Variants in DIS3 observed in about 807,000 individuals in gnomAD.
DIS3 encodes the protein exosome complex exonuclease RRP44.
Under a neutral mutation model 113.0 loss-of-function variants are expected in DIS3, and 103 were observed. The ratio of observed to expected loss-of-function variants is 0.91; its 90% CI spans 0.78 to 1.07. The LOEUF (loss-of-function observed/expected upper bound fraction) is 1.07. DIS3 is among the 50% of genes least tolerant of loss of function. The probability of loss-of-function intolerance (pLI) is 0.00; values close to 1 mark genes in which losing one functional copy is unlikely to be tolerated. For missense variants in DIS3, 1,121 were observed against 1,167.1 expected (o/e 0.96, Z 0.58); for synonymous variants, 402 against 394.3 (o/e 1.02, Z -0.23).
rs575947510 is a variant in DIS3, at chr13:72,756,202, C to G, written c.*3593G>C. On this transcript the variant is annotated 3_prime_UTR_variant, in exon 21 of 21. Coordinates refer to ENST00000377767, the MANE Select transcript of DIS3 (RefSeq NM_014953.5). ...ATAAAGACCTGTGTTATCAATGTGTCATTTTCTTCTTTCCTCCATAACTGT... is the reference window on the plus strand; with the variant it reads ...ATAAAGACCTGTGTTATCAATGTGTGATTTTCTTCTTTCCTCCATAACTGT... 2.2e-4 allele frequency: 14 copies of G among 64,730 alleles called. No individual in the cohort carries two copies. Among genetic ancestry groups the G allele is most frequent in the African/African-American group, 1.8e-3 (14 of 7,986 alleles). The allele number at this position is 64,730 out of a possible 1,614,324, so 4.0% of individuals were successfully genotyped here. A position where few individuals can be genotyped will look rare whatever the true frequency, so the allele number is the denominator to read the frequency against.
intron 14 of DIS3, 138 bp from the exon 15 acceptor site, chr13:72,766,196 G>T (rs1199993288): frequency 1.7e-6 from 1 of 589,160 alleles, no homozygotes; most frequent in Non-Finnish European, 2.8e-6. Context: ...ATGACCATCT[G>T]CTGTTTCATG....
chr13:72,765,426 C>G (rs1475870427), intron 15 of DIS3, among the ~76,000 whole-genome samples: 1 of 152,132 alleles, frequency 6.6e-6, no homozygotes, highest in East Asian at 1.9e-4. Context: ...TTTCTGGCAC[C>G]AGGGACGGGT....
At chr13:72,767,281 TCA>T (rs1352084382) in intron 14 of DIS3, among the ~76,000 whole-genome samples, 27 of 152,146 alleles carry the variant, frequency 1.8e-4, no homozygotes, top group Admixed American at 1.5e-3. Flanking sequence ...AAAAATATCC[TCA>T]GTTTTAAAAA....
chr13:72,764,370 C>A (rs2033700097), intron 15 of DIS3, among the ~76,000 whole-genome samples: 1 of 151,990 alleles, frequency 6.6e-6, no homozygotes, highest in South Asian at 2.1e-4. Context: ...AATGAAGAGA[C>A]CATATTTATA....
At chr13:72,781,570 G>A (rs1441101898) in intron 1 of DIS3, 35 bp downstream of exon 1, 2 of 1,481,546 alleles carry the variant, frequency 1.3e-6, no homozygotes, top group East Asian at 2.5e-5. Context: ...TGTCCCCGTG[G>A]GGCCGCGCTG....
rs765308620 is a variant in DIS3 at position 72,772,713 on chromosome 13, G to A, written c.1366C>T (p.Pro456Ser). The change falls in exon 9 of 21, where the codon CCC (proline) becomes TCC (serine). Residue 456 changes from proline (P) to serine (S), a missense_variant. Around this residue, in one of 3 missense-constraint regions of DIS3, gnomAD observed 861 missense variants for 915.5 expected, o/e 0.94. Coordinates refer to ENST00000377767, the MANE Select transcript of DIS3 (RefSeq NM_014953.5). ...CTTACCTTTTCAGTAATGCTCCAGG[G>A]CATCTTTGGCAGAAAACTAAGAACA... ...QAVLSFLPKM[P>S]WSITEKDMKN... 4 of 1,611,012 alleles carry A rather than the reference G, an allele frequency of 2.5e-6. No homozygotes were observed. Among genetic ancestry groups the A allele is most frequent in the Non-Finnish European group, 1.7e-6 (2 of 1,179,214 alleles).
At chr13:72,775,841 C>A in intron 5 of DIS3, 84 bp downstream of exon 5, 1 of 1,200,532 alleles carries the variant, frequency 8.3e-7, no homozygotes. Flanking sequence ...ATATGTTACA[C>A]AAATAGTATT....
At chr13:72,769,113 C>CA (rs2033824638) in intron 13 of DIS3, among the ~76,000 whole-genome samples, 1 of 152,116 alleles carries the variant, frequency 6.6e-6, no homozygotes, top group East Asian at 1.9e-4. Flanking sequence ...CATTATACAA[C>CA]ATAAACAAAC....
Position 72,771,104 on chromosome 13 carries a change from A to T in DIS3, c.1647T>A (p.Cys549Ter), listed in dbSNP as rs1387598816. 6.2e-7 allele frequency: 1 copy of T among 1,613,748 alleles called. No individual in the cohort carries two copies. ...MVPELLSSNL[C>*]SLKCDVDRLA... is the part of the protein sequence containing the mutation. ...ACCTGTCCACGTCACATTTTAAGGA[A>T]CACAAGTTAGAGCTAAGCAACTCTG... Residue 549 changes from cysteine to a stop codon, truncating the protein, a stop_gained, in exon 12 of 21, where the codon TGT becomes TGA. Transcript: ENST00000377767. LOFTEE classifies it high-confidence loss of function.
intron 15 of DIS3, among the ~76,000 whole-genome samples, chr13:72,765,085 T>C (rs962135945): frequency 1.3e-5 from 2 of 152,170 alleles, no homozygotes; most frequent in African/African-American, 4.8e-5. Flanking sequence ...CAAAATTACC[T>C]TAATGTAAAT....
At position 72,774,615 on chromosome 13, in the gene DIS3, C is replaced by A. The variant is rs957315433; in HGVS notation, c.988-556G>T. ...CCATGGATAATTTTATAGTGAGACT[C>A]CAGAGCAATGAATATAAATGATGGA... On this transcript the variant is annotated intron_variant, in intron 6 of 20. Coordinates refer to ENST00000377767, the MANE Select transcript of DIS3 (RefSeq NM_014953.5). Among the ~76,000 whole-genome samples the A allele has an allele frequency of 1.2e-4, 18 of 152,052 alleles. No individual in the cohort carries two copies. In the East Asian group the frequency reaches 2.7e-3, roughly 23 times the overall value.
intron 14 of DIS3, among the ~76,000 whole-genome samples, chr13:72,767,719 G>T (rs1374680700): frequency 1.3e-5 from 2 of 152,280 alleles, no homozygotes; most frequent in East Asian, 3.9e-4. Flanking sequence ...TAAGGCTGAG[G>T]AACTAAGTTG....
intron 16 of DIS3, 96 bp from the exon 17 acceptor site, chr13:72,762,233 C>A: frequency 9.0e-7 from 1 of 1,110,862 alleles, no homozygotes; most frequent in Non-Finnish European, 1.3e-6. Context: ...GAACAAACAT[C>A]ATGTTTTTGT....
In DIS3 at chr13:72,758,730, C is replaced by T. The variant is rs1035517896; in HGVS notation, c.*1065G>A. 4 of 209,066 alleles carry T rather than the reference C, an allele frequency of 1.9e-5. No individual in the cohort carries two copies. The highest frequency in any genetic ancestry group is 4.5e-5 in the African/African-American group (2 of 44,028). 13.0% of individuals were successfully genotyped at this position (209,066 alleles called of 1,614,324 possible). On this transcript the variant is annotated 3_prime_UTR_variant, in exon 21 of 21. Coordinates refer to ENST00000377767, the MANE Select transcript of DIS3 (RefSeq NM_014953.5). ...CTAAATGACTACCTATTTAGTATAC[C>T]TGCTGATTTACTTGGCAGGCTTTTC...
chr13:72,781,602 C>T lies in DIS3; in HGVS notation c.228+3G>A, dbSNP rs1401219257. The T allele has an allele frequency of 1.3e-6, 2 of 1,506,572 alleles. No homozygotes were observed. The highest frequency in any genetic ancestry group is 1.8e-6 in the Non-Finnish European group (2 of 1,123,448). 93.3% of individuals were successfully genotyped at this position (1,506,572 alleles called of 1,614,324 possible). ...GCTGTCCGCGGTTCGCCCGCCCACG[C>T]ACCTGGTGCAGTAACACATTAGTGT... On this transcript the variant is annotated splice_donor_region_variant and intron_variant, in intron 1 of 20. Transcript: ENST00000377767.
chr13:72,779,212 C>T (rs891857948), intron 2 of DIS3, among the ~76,000 whole-genome samples: 13 of 151,714 alleles, frequency 8.6e-5, no homozygotes, highest in African/African-American at 2.2e-4. Flanking sequence ...CCTCTACCTC[C>T]GGGTTCAAGT....
chr13:72,773,847 T>G, intron 7 of DIS3, 26 bp from the exon 8 acceptor site: 1 of 1,597,288 alleles, frequency 6.3e-7, no homozygotes, highest in East Asian at 2.2e-5. Flanking sequence ...AATAAAGATT[T>G]TACACAAAAA....
intron 3 of DIS3, 110 bp from the exon 4 acceptor site, chr13:72,777,603 A>G: frequency 1.1e-6 from 1 of 889,434 alleles, no homozygotes; most frequent in Middle Eastern, 3.2e-4. Flanking sequence ...ATTCATTGAG[A>G]CACACTGAGA....
chr13:72,772,150 T>C lies in DIS3; in HGVS notation c.1503+9A>G, dbSNP rs770368027. On this transcript the variant is annotated intron_variant, in intron 10 of 20. Transcript: ENST00000377767. ...ATATTTAGGTAAGAACACTATTACATATGAATACCTCCAAATTTCCATTTT... is the reference window on the plus strand; with the variant it reads ...ATATTTAGGTAAGAACACTATTACACATGAATACCTCCAAATTTCCATTTT... 1.9e-5 allele frequency: 31 copies of C among 1,599,160 alleles called. No individual in the cohort carries two copies. Among genetic ancestry groups the C allele is most frequent in the Middle Eastern group, 1.7e-4 (1 of 6,040 alleles).
Sources: gnomAD v4.1 joint callset for allele counts (sites outside exome capture counted in the v4.1 genomes callset) on GRCh38, gnomAD v4.1.1 for gene constraint, gnomAD v4.1.1 regional missense constraint, MANE v1.5 for transcripts, NCBI Gene and HGNC (gene_info 2026-07-23, HGNC 2026-07-21) for gene names.